The following COL14A1 variants were observed in gnomAD, a reference collection of about 807,000 sequenced individuals.
The protein encoded by COL14A1 is collagen alpha-1(XIV) chain.
In COL14A1, 136 loss-of-function variants were observed where a neutral mutation model predicts 230.3. The observed-to-expected ratio is 0.59, with a 90% CI of 0.51 to 0.68. COL14A1 has a LOEUF of 0.68. Among genes scored for constraint, COL14A1 ranks in the 30% least tolerant of loss-of-function variants. COL14A1 has a pLI of 0.00. For synonymous variants in COL14A1, 792 were observed against 784.1 expected (o/e 1.01, Z -0.17); for missense variants, 1,976 against 2,215.8 (o/e 0.89, Z 2.17).
At chr8:120,325,685 G>T (rs893427908) in intron 40 of COL14A1, among the ~76,000 whole-genome samples, 1 of 152,080 alleles carries the variant, frequency 6.6e-6, no homozygotes, top group African/African-American at 2.4e-5. Flanking sequence ...TAGAGATGGG[G>T]TTTCGCCATG....
At chr8:120,349,327 G>A (rs998542083) in intron 45 of COL14A1, among the ~76,000 whole-genome samples, 13 of 150,246 alleles carry the variant, frequency 8.7e-5, no homozygotes, top group African/African-American at 2.7e-4. Flanking sequence ...AAATCAGAGT[G>A]CCTCTCCTCC....
At chr8:120,244,919 G>A (rs1047841915) in intron 20 of COL14A1, among the ~76,000 whole-genome samples, 7 of 152,100 alleles carry the variant, frequency 4.6e-5, no homozygotes, top group African/African-American at 9.6e-5. Flanking sequence ...ATGTCCTTCC[G>A]TGCCTTACAA....
chr8:120,323,849 G>A (rs1233354555), intron 40 of COL14A1, among the ~76,000 whole-genome samples: 1 of 152,190 alleles, frequency 6.6e-6, no homozygotes, highest in Non-Finnish European at 1.5e-5. Flanking sequence ...GTCATGAAGT[G>A]TGATGCCTCC....
chr8:120,288,547 C>T (rs1452632599), intron 33 of COL14A1, among the ~76,000 whole-genome samples: 1 of 152,128 alleles, frequency 6.6e-6, no homozygotes, highest in East Asian at 1.9e-4. Context: ...CTATAACTCC[C>T]ATAACTTTGA....
chr8:120,234,280 T>A (rs758704603), intron 19 of COL14A1, among the ~76,000 whole-genome samples: 11 of 152,212 alleles, frequency 7.2e-5, no homozygotes, highest in Admixed American at 1.3e-4. Context: ...TGACTTTCTC[T>A]CTTCCTATTT....
chr8:120,288,872 C>T (rs560163948), intron 33 of COL14A1, among the ~76,000 whole-genome samples: 1 of 152,270 alleles, frequency 6.6e-6, no homozygotes, highest in East Asian at 1.9e-4. Flanking sequence ...TTGTAAGTTA[C>T]AATGCATATA....
chr8:120,225,936 G>T (rs2130803330), intron 15 of COL14A1, among the ~76,000 whole-genome samples: 1 of 151,604 alleles, frequency 6.6e-6, no homozygotes, highest in Non-Finnish European at 1.5e-5. Context: ...CAAATCTCCA[G>T]AAGGCTAATT....
chr8:120,348,622 C>A (rs1304746617), intron 45 of COL14A1, among the ~76,000 whole-genome samples: 2 of 152,022 alleles, frequency 1.3e-5, no homozygotes, highest in East Asian at 1.9e-4. Flanking sequence ...TCTCACAAAT[C>A]CCCACTAATG....
chr8:120,213,837 T>C (rs1297945077), intron 13 of COL14A1: 2 of 315,790 alleles, frequency 6.3e-6, no homozygotes, highest in East Asian at 1.0e-4. Context: ...TATTCTATTA[T>C]ATTGCCAAAT....
chr8:120,261,565 G>A (rs1819329695), intron 23 of COL14A1, among the ~76,000 whole-genome samples: 1 of 152,154 alleles, frequency 6.6e-6, no homozygotes. Flanking sequence ...TCTTCCAGGA[G>A]ATGTACAGCA....
chr8:120,280,142 C>G, intron 29 of COL14A1, 43 bp downstream of exon 29: 1 of 1,606,840 alleles, frequency 6.2e-7, no homozygotes, highest in Non-Finnish European at 8.5e-7. Context: ...TGCTTAACAG[C>G]TGAAATATTT....
intron 26 of COL14A1, among the ~76,000 whole-genome samples, chr8:120,271,546 C>G (rs1338535929): frequency 6.6e-6 from 1 of 151,576 alleles, no homozygotes; most frequent in East Asian, 1.9e-4. Context: ...GTATGGTAAG[C>G]AAAGACCTCT....
chr8:120,346,744 A>G (rs1822527980), intron 45 of COL14A1, among the ~76,000 whole-genome samples: 1 of 152,138 alleles, frequency 6.6e-6, no homozygotes, highest in African/African-American at 2.4e-5. Context: ...CTCCGCCCCC[A>G]TGAACACCTG....
rs1230616228 is a variant in COL14A1, at chr8:120,341,283, G to A, written c.4786-42G>A. On this transcript the variant is annotated intron_variant, in intron 42 of 47. Transcript: ENST00000297848. ...ATGCATGATTATCACTCTTAGCTAA[G>A]TGCAATATCATAAGTAACTTGACAA... 3.8e-6 allele frequency: 6 copies of A among 1,596,168 alleles called. No individual in the cohort carries two copies. The East Asian group carries it at 8.9e-5, about 24-fold the overall frequency.
intron 33 of COL14A1, among the ~76,000 whole-genome samples, chr8:120,286,808 C>A (rs1273046117): frequency 6.6e-6 from 1 of 152,190 alleles, no homozygotes; most frequent in Non-Finnish European, 1.5e-5. Flanking sequence ...CGCGCCTGGC[C>A]ACTTGTCATT....
chr8:120,259,114 A>T (rs1395737139), intron 23 of COL14A1, among the ~76,000 whole-genome samples: 6 of 152,156 alleles, frequency 3.9e-5, no homozygotes, highest in Non-Finnish European at 8.8e-5. Context: ...CTTACCAAAG[A>T]CCAGGTCCAC....
Position 120,208,305 on chromosome 8 carries a change from T to C in COL14A1, c.1265T>C (p.Val422Ala), listed in dbSNP as rs753849838. ...TCTTTAACTGAATATCAGATAGCAGTCTTTGCAATCTATGCCCACACTGCT... is the reference window on the plus strand; with the variant it reads ...TCTTTAACTGAATATCAGATAGCAGCCTTTGCAATCTATGCCCACACTGCT... Reference protein sequence around the residue: ...LMSLTEYQIAVFAIYAHTASE... With the variant: ...LMSLTEYQIAAFAIYAHTASE... The change falls in exon 11 of 48, where the codon GTC (valine) becomes GCC (alanine). Residue 422 changes from valine to alanine, a missense_variant. Coordinates refer to ENST00000297848, the MANE Select transcript of COL14A1 (RefSeq NM_021110.4). 1 of 1,613,710 alleles carries C rather than the reference T, an allele frequency of 6.2e-7. No individual in the cohort carries two copies. The highest frequency in any genetic ancestry group is 8.5e-7 in the Non-Finnish European group (1 of 1,179,744).
chr8:120,142,411 G>A (rs755874044), intron 1 of COL14A1, among the ~76,000 whole-genome samples: 5 of 152,130 alleles, frequency 3.3e-5, no homozygotes, highest in Non-Finnish European at 5.9e-5. Context: ...TGTAGGGTTA[G>A]GGTTATATGT....
intron 1 of COL14A1, among the ~76,000 whole-genome samples, chr8:120,145,386 A>C (rs1815052971): frequency 6.6e-6 from 1 of 152,252 alleles, no homozygotes; most frequent in Non-Finnish European, 1.5e-5. Context: ...TGGGAGGCCA[A>C]GGCGGGTGGA....
Sources: gnomAD v4.1 joint callset for allele counts (sites outside exome capture counted in the v4.1 genomes callset) on GRCh38, gnomAD v4.1.1 for gene constraint, MANE v1.5 for transcripts, NCBI Gene and HGNC (gene_info 2026-07-23, HGNC 2026-07-21) for gene names.